GRM7: variants seen among roughly 807,000 people sequenced by gnomAD.
GRM7 encodes glutamate metabotropic receptor 7, also known as metabotropic glutamate receptor 7.
A neutral mutation model predicts 84.5 loss-of-function variants in GRM7; 35 were observed. The observed-to-expected ratio is 0.41, with a 90% CI of 0.32 to 0.55. GRM7 has a LOEUF of 0.55. GRM7 is among the 20% of genes least tolerant of loss of function. The pLI is 0.19. For missense variants in GRM7, 1,003 were observed against 1,194.6 expected (o/e 0.84, Z 2.36); for synonymous variants, 487 against 455.1 (o/e 1.07, Z -0.89).
At chr3:6,887,601 A>G (rs533308733) in intron 1 of GRM7, among the ~76,000 whole-genome samples, 5 of 152,226 alleles carry the variant, frequency 3.3e-5, no homozygotes, top group East Asian at 3.9e-4. Flanking sequence ...TGGTGTATAT[A>G]TGCCACATTT....
intron 8 of GRM7, among the ~76,000 whole-genome samples, chr3:7,671,252 C>T (rs965638127): frequency 6.6e-6 from 1 of 152,072 alleles, no homozygotes; most frequent in Non-Finnish European, 1.5e-5. Context: ...ACTTGGCCAC[C>T]AAGACGGTCT....
chr3:7,516,039 T>C (rs1255896932), intron 7 of GRM7, among the ~76,000 whole-genome samples: 2 of 151,610 alleles, frequency 1.3e-5, no homozygotes, highest in East Asian at 3.9e-4. Context: ...TGGTGGTACA[T>C]GCCTGTGGTC....
At chr3:7,655,306 A>G (rs1479868685) in intron 8 of GRM7, among the ~76,000 whole-genome samples, 2 of 152,238 alleles carry the variant, frequency 1.3e-5, no homozygotes, top group African/African-American at 4.8e-5. Context: ...TGTATTGGCC[A>G]TCAAGCTAGC....
chr3:7,449,470 G>A (rs1199922020), intron 5 of GRM7, among the ~76,000 whole-genome samples: 2 of 152,080 alleles, frequency 1.3e-5, no homozygotes, highest in African/African-American at 4.8e-5. Context: ...GAAGATAATG[G>A]TTAATAAATT....
At chr3:7,694,710 A>G (rs1700952145) in intron 9 of GRM7, among the ~76,000 whole-genome samples, 1 of 152,222 alleles carries the variant, frequency 6.6e-6, no homozygotes, top group Admixed American at 6.5e-5. Context: ...AATACATTCA[A>G]CATTTTCACC....
intron 2 of GRM7, among the ~76,000 whole-genome samples, chr3:7,247,353 C>G (rs1697803618): frequency 6.6e-6 from 1 of 152,006 alleles, no homozygotes. Flanking sequence ...ACAAAGATTG[C>G]TTGAGCTCAG....
intron 2 of GRM7, among the ~76,000 whole-genome samples, chr3:7,244,337 C>T (rs1208525636): frequency 6.6e-6 from 1 of 152,060 alleles, no homozygotes; most frequent in Non-Finnish European, 1.5e-5. Context: ...CTGGTGGTGA[C>T]CACATCTTCA....
intron 4 of GRM7, among the ~76,000 whole-genome samples, chr3:7,333,113 A>T (rs6795080): frequency 0.015 from 2,285 of 152,262 alleles, 58 homozygotes; most frequent in African/African-American, 0.05. Flanking sequence ...AAAAAACAAC[A>T]GCTAATTCCA....
At chr3:7,518,475 C>G (rs1700474258) in intron 7 of GRM7, among the ~76,000 whole-genome samples, 2 of 152,216 alleles carry the variant, frequency 1.3e-5, no homozygotes, top group African/African-American at 2.4e-5. Context: ...GATCTTTCCT[C>G]TCTTCCTAGG....
intron 4 of GRM7, among the ~76,000 whole-genome samples, chr3:7,329,985 A>G (rs780093020): frequency 2.0e-5 from 3 of 152,252 alleles, no homozygotes; most frequent in South Asian, 2.1e-4. Flanking sequence ...GAGTCACTCA[A>G]TAGTATGATT....
At chr3:7,721,283 G>A (rs905858224) in intron 9 of GRM7, among the ~76,000 whole-genome samples, 1 of 152,174 alleles carries the variant, frequency 6.6e-6, no homozygotes, top group African/African-American at 2.4e-5. Context: ...AATTGTATAA[G>A]GTAGACCCCT....
At chr3:7,145,804 T>A (rs1467451117) in intron 1 of GRM7, among the ~76,000 whole-genome samples, 2 of 152,072 alleles carry the variant, frequency 1.3e-5, no homozygotes, top group East Asian at 3.9e-4. Context: ...TCTCCCAGAA[T>A]CCAAAAGAGA....
At chr3:6,960,112 C>T (rs955015678) in intron 1 of GRM7, among the ~76,000 whole-genome samples, 2 of 152,150 alleles carry the variant, frequency 1.3e-5, no homozygotes. Flanking sequence ...ATCAGGCAAA[C>T]ATCAACTAAC....
intron 7 of GRM7, among the ~76,000 whole-genome samples, chr3:7,468,722 C>A (rs1184020121): frequency 6.6e-6 from 1 of 152,092 alleles, no homozygotes; most frequent in Non-Finnish European, 1.5e-5. Flanking sequence ...GGGTGGTTTC[C>A]CACATGCTGA....
chr3:7,093,480 C>G (rs541087222), intron 1 of GRM7, among the ~76,000 whole-genome samples: 24 of 151,556 alleles, frequency 1.6e-4, no homozygotes, highest in Admixed American at 9.2e-4. Context: ...GAGTTCGAGA[C>G]CAGCCTGTCC....
At chr3:6,912,735 T>C (rs538189106) in intron 1 of GRM7, among the ~76,000 whole-genome samples, 1 of 152,288 alleles carries the variant, frequency 6.6e-6, no homozygotes, top group African/African-American at 2.4e-5. Flanking sequence ...TTATTAATCA[T>C]AGACAAATTC....
chr3:7,238,336 G>T (rs1445254689), intron 2 of GRM7, among the ~76,000 whole-genome samples: 1 of 152,082 alleles, frequency 6.6e-6, no homozygotes, highest in African/African-American at 2.4e-5. Context: ...TCTTCTGCCA[G>T]ATCCTTACAG....
At chr3:7,342,164 T>G (rs1692670211) in intron 4 of GRM7, among the ~76,000 whole-genome samples, 1 of 152,140 alleles carries the variant, frequency 6.6e-6, no homozygotes, top group East Asian at 1.9e-4. Flanking sequence ...ATTAATTGTT[T>G]TATGTCCCAA....
chr3:7,371,630 G>A (rs34112365), intron 4 of GRM7, among the ~76,000 whole-genome samples: 59,328 of 151,976 alleles, frequency 0.39, 12,130 homozygotes, highest in East Asian at 0.57. Context: ...AATGATGTAC[G>A]TTCTGTGAAT....
Sources: allele counts gnomAD v4.1 joint callset (sites outside exome capture counted in the v4.1 genomes callset), GRCh38; gene constraint gnomAD v4.1.1; transcripts MANE v1.5; gene names NCBI Gene and HGNC (gene_info 2026-07-23, HGNC 2026-07-21).